The following ZFC3H1 variants were observed in gnomAD, a reference collection of about 807,000 sequenced individuals.
ZFC3H1 encodes the protein zinc finger C3H1 domain-containing protein.
ZFC3H1 carries 71 observed loss-of-function variants against 243.7 expected under a neutral mutation model. The ratio of observed to expected loss-of-function variants is 0.29; its 90% CI spans 0.24 to 0.36. The LOEUF (loss-of-function observed/expected upper bound fraction) is 0.36, where lower values mean the gene tolerates loss of function less well. Ranked by LOEUF, ZFC3H1 falls within the 10% of genes least tolerant of loss-of-function variation. The pLI, the probability that ZFC3H1 is intolerant of heterozygous loss-of-function variation, is 1.00. For synonymous variants in ZFC3H1, 838 were observed against 813.0 expected, an observed-to-expected ratio of 1.03 and a Z score of -0.52; for missense variants, 1,966 against 2,317.1, an observed-to-expected ratio of 0.85 and a Z score of 3.11.
At position 71,615,274 on chromosome 12, in the gene ZFC3H1, A is replaced by G; in HGVS notation, c.5187T>C (p.Arg1729=). 2 of 1,613,318 alleles carry G rather than the reference A, an allele frequency of 1.2e-6. No homozygotes were observed. The highest frequency in any genetic ancestry group is 1.7e-5 in the Admixed American group (1 of 59,944). Residue 1729 remains arginine (R), a synonymous_variant, in exon 28 of 35, where the codon CGT becomes CGC. Transcript: ENST00000378743. ...NIPGPIDIPS[R]LCKGNFDDDM... ...CATCATCAAAATTCCCTTTACATAA[A>G]CGAGATGGAATGTCAATTGGTCCTG...
intron 7 of ZFC3H1, among the ~76,000 whole-genome samples, chr12:71,637,916 T>C (rs2137541428): frequency 6.6e-6 from 1 of 152,296 alleles, no homozygotes; most frequent in Admixed American, 6.5e-5. Flanking sequence ...TTGTTTTTAT[T>C]TTTTTGTTTT....
chr12:71,635,732 G>T, intron 9 of ZFC3H1, 152 bp from the exon 10 acceptor site: 1 of 541,036 alleles, frequency 1.8e-6, no homozygotes, highest in Non-Finnish European at 2.9e-6. Context: ...GACCAATACT[G>T]GTTATATGAC....
At chr12:71,632,658 A>G in intron 14 of ZFC3H1, 144 bp from the exon 15 acceptor site, 1 of 1,256,032 alleles carries the variant, frequency 8.0e-7, no homozygotes, top group Middle Eastern at 2.7e-4. Flanking sequence ...GTTTAACATA[A>G]GTAGCCAAAA....
Position 71,663,041 on chromosome 12 carries a change from C to T in ZFC3H1, c.570G>A (p.Trp190Ter). The T allele has an allele frequency of 6.2e-7, 1 of 1,611,492 alleles. No homozygotes were observed. The highest frequency in any genetic ancestry group is 8.5e-7 in the Non-Finnish European group (1 of 1,179,214). Residue 190 changes from tryptophan (W) to a stop codon, truncating the protein, a stop_gained, in exon 1 of 35, where the codon TGG (tryptophan) becomes TGA (stop). Coordinates refer to ENST00000378743, the MANE Select transcript of ZFC3H1 (RefSeq NM_144982.5). LOFTEE classifies it high-confidence loss of function. ...AGSGFSSSQS[W>*]REPSPPRKSS... ...TCTTCCGAGGTGGAGAGGGCTCTCGCCAGCTCTGACTGCTGCTGAACCCGG... is the reference window on the plus strand; with the variant it reads ...TCTTCCGAGGTGGAGAGGGCTCTCGTCAGCTCTGACTGCTGCTGAACCCGG...
At chr12:71,652,859 T>G (rs770910377) in intron 2 of ZFC3H1, among the ~76,000 whole-genome samples, 1 of 151,696 alleles carries the variant, frequency 6.6e-6, no homozygotes, top group Non-Finnish European at 1.5e-5. Flanking sequence ...CCAGTGAGGG[T>G]TGAACTGATT....
chr12:71,630,442 T>C (rs1458766484), intron 18 of ZFC3H1, among the ~76,000 whole-genome samples, 158 bp downstream of exon 18: 2 of 152,228 alleles, frequency 1.3e-5, no homozygotes, highest in Non-Finnish European at 2.9e-5. Context: ...AGTAAATTTT[T>C]ACCGTAATTA....
chr12:71,612,608 C>G (rs994392411), intron 31 of ZFC3H1, among the ~76,000 whole-genome samples: 5 of 152,072 alleles, frequency 3.3e-5, no homozygotes. Context: ...CACATACATG[C>G]TAAATGAAAT....
At chr12:71,662,932 A>T in intron 1 of ZFC3H1, 81 bp downstream of exon 1, 1 of 1,356,818 alleles carries the variant, frequency 7.4e-7, no homozygotes, top group Non-Finnish European at 1.0e-6. Flanking sequence ...ATTCAAAGTT[A>T]CACTCGTCTC....
At chr12:71,644,412 G>A in intron 4 of ZFC3H1, 94 bp from the exon 5 acceptor site, 1 of 1,290,624 alleles carries the variant, frequency 7.7e-7, no homozygotes, top group Non-Finnish European at 1.1e-6. Context: ...ATTAATCAGT[G>A]ATGATGCTCC....
At position 71,663,824 on chromosome 12, in the gene ZFC3H1, C is replaced by T; in HGVS notation, c.-214G>A. 1 of 597,594 alleles carries T rather than the reference C, an allele frequency of 1.7e-6. No individual in the cohort carries two copies. The highest frequency in any genetic ancestry group is 2.9e-6 in the Non-Finnish European group (1 of 342,240). 37.0% of individuals were successfully genotyped at this position (597,594 alleles called of 1,614,324 possible). A position where few individuals can be genotyped will look rare whatever the true frequency, so the allele number is the denominator to read the frequency against. On this transcript the variant is annotated 5_prime_UTR_variant, in exon 1 of 35. Transcript: ENST00000378743. ...ACCCAGTTCCCTTTCCTAGCGCCCC[C>T]TTGCTCCTCAGCGATCGGGGTTCTT...
At position 71,663,743 on chromosome 12, in the gene ZFC3H1, G is replaced by T; in HGVS notation, c.-133C>A. ...CCTACTCGGACACCAAGCGGCCTCT[G>T]CTCCCCAACTTCCCCGCACCCCAGC... On this transcript the variant is annotated 5_prime_UTR_variant, in exon 1 of 35. Transcript: ENST00000378743. 9.3e-7 allele frequency: 1 copy of T among 1,077,254 alleles called. No individual in the cohort carries two copies. The highest frequency in any genetic ancestry group is 1.3e-6 in the Non-Finnish European group (1 of 752,724). The allele number at this position is 1,077,254 out of a possible 1,614,324, so 66.7% of individuals were successfully genotyped here. A position where few individuals can be genotyped will look rare whatever the true frequency, so the allele number is the denominator to read the frequency against.
intron 18 of ZFC3H1, among the ~76,000 whole-genome samples, chr12:71,629,914 TA>T (rs146148589): frequency 0.08 from 11,483 of 143,506 alleles, 438 homozygotes; most frequent in South Asian, 0.092. Context: ...CATTTGGGAT[TA>T]AAAAAAAAAA....
Position 71,634,260 on chromosome 12 carries a change from C to A in ZFC3H1, c.2405G>T (p.Ser802Ile), listed in dbSNP as rs1451823881. 5 of 1,613,934 alleles carry A rather than the reference C, an allele frequency of 3.1e-6. No homozygotes were observed. The highest frequency in any genetic ancestry group is 4.2e-6 in the Non-Finnish European group (5 of 1,179,994). The change falls in exon 12 of 35, where the codon AGT (serine) becomes ATT (isoleucine). Residue 802 changes from serine (S) to isoleucine (I), a missense_variant. Coordinates refer to ENST00000378743, the MANE Select transcript of ZFC3H1 (RefSeq NM_144982.5). ...RLIKSDQLKT[S>I]SSSPANSDVE... ...ATCAGAGTTTGCTGGGGATGATGAA[C>A]TTGTCTTCAGCTGATCTGATTTAAT...
At chr12:71,628,826 A>G in intron 20 of ZFC3H1, 92 bp downstream of exon 20, 1 of 1,402,884 alleles carries the variant, frequency 7.1e-7, no homozygotes, top group Non-Finnish European at 9.4e-7. Flanking sequence ...TTAACCAGGC[A>G]GGCTGATACA....
chr12:71,642,127 G>A (rs1011047419), intron 6 of ZFC3H1, among the ~76,000 whole-genome samples: 2 of 152,190 alleles, frequency 1.3e-5, no homozygotes, highest in Non-Finnish European at 2.9e-5. Context: ...TGGGATTACA[G>A]GTGTGAGCCA....
intron 2 of ZFC3H1, among the ~76,000 whole-genome samples, chr12:71,653,874 C>T (rs888431235): frequency 1.3e-5 from 2 of 151,912 alleles, no homozygotes; most frequent in Admixed American, 6.6e-5. Context: ...ATTAGCCGGG[C>T]GCAATGGCAT....
At chr12:71,625,967 G>T (rs1050336489) in intron 22 of ZFC3H1, among the ~76,000 whole-genome samples, 1 of 150,620 alleles carries the variant, frequency 6.6e-6, no homozygotes, top group Non-Finnish European at 1.5e-5. Flanking sequence ...AACTAAAACT[G>T]TGTAAAAATA....
intron 1 of ZFC3H1, among the ~76,000 whole-genome samples, chr12:71,662,168 T>C (rs1201339083): frequency 6.6e-6 from 1 of 152,192 alleles, no homozygotes; most frequent in Non-Finnish European, 1.5e-5. Context: ...TTCCTCTGTA[T>C]AAATGCTGAG....
intron 1 of ZFC3H1, among the ~76,000 whole-genome samples, chr12:71,660,672 A>C (rs538998462): frequency 6.6e-6 from 1 of 152,304 alleles, no homozygotes; most frequent in South Asian, 2.1e-4. Flanking sequence ...CCCTTTTCTA[A>C]TACAGAATAA....
Sources: allele counts gnomAD v4.1 joint callset (sites outside exome capture counted in the v4.1 genomes callset), GRCh38; gene constraint gnomAD v4.1.1; transcripts MANE v1.5; gene names NCBI Gene and HGNC (gene_info 2026-07-23, HGNC 2026-07-21).